Variants in NUDT2 observed in about 807,000 individuals in gnomAD.
NUDT2 encodes nudix hydrolase 2.
NUDT2 carries 12 observed loss-of-function variants against 14.2 expected under a neutral mutation model. The observed-to-expected ratio is 0.84, with a 90% CI of 0.54 to 1.37. NUDT2 has a LOEUF of 1.37. NUDT2 is among the 40% of genes most tolerant of loss of function. The pLI is 0.00. For synonymous variants in NUDT2, 67 were observed against 67.4 expected (o/e 0.99, Z 0.03); for missense variants, 167 against 176.7 (o/e 0.95, Z 0.31).
intron 1 of NUDT2, among the ~76,000 whole-genome samples, chr9:34,333,549 C>G (rs1200474727): frequency 6.8e-6 from 1 of 146,354 alleles, no homozygotes; most frequent in African/African-American, 2.5e-5. Context: ...AGGAAAATTC[C>G]TTGAGCCCAG....
intron 2 of NUDT2, among the ~76,000 whole-genome samples, chr9:34,338,393 A>G (rs1838151912): frequency 7.0e-6 from 1 of 141,852 alleles, no homozygotes; most frequent in African/African-American, 2.6e-5. Context: ...CTGTAGTCCC[A>G]GCTACTTGAG....
At chr9:34,332,523 A>C (rs983182798) in intron 1 of NUDT2, among the ~76,000 whole-genome samples, 1 of 152,218 alleles carries the variant, frequency 6.6e-6, no homozygotes, top group Non-Finnish European at 1.5e-5. Flanking sequence ...CACAACAGAC[A>C]AATTCCCCGA....
At chr9:34,329,869 T>C (rs1196908616) in intron 1 of NUDT2, among the ~76,000 whole-genome samples, 1 of 152,036 alleles carries the variant, frequency 6.6e-6, no homozygotes, top group African/African-American at 2.4e-5. Context: ...GTCGTCCAAA[T>C]CCCAGAGGCG....
intron 1 of NUDT2, among the ~76,000 whole-genome samples, chr9:34,335,598 T>C (rs1838071136): frequency 6.6e-6 from 1 of 152,230 alleles, no homozygotes; most frequent in Non-Finnish European, 1.5e-5. Context: ...GGAGGAATTC[T>C]AGAGAATAGC....
intron 4 of NUDT2, 120 bp from the exon 5 acceptor site, chr9:34,343,004 A>T: frequency 1.1e-6 from 1 of 886,046 alleles, no homozygotes; most frequent in South Asian, 1.7e-5. Context: ...GGCCTGGGCA[A>T]CAGAGTGAGT....
intron 2 of NUDT2, among the ~76,000 whole-genome samples, chr9:34,337,953 C>G (rs1838132926): frequency 6.6e-6 from 1 of 151,624 alleles, no homozygotes. Context: ...AAGCAATTCT[C>G]CTGCCTCAGC....
At chr9:34,333,858 T>A (rs1838018336) in intron 1 of NUDT2, among the ~76,000 whole-genome samples, 1 of 152,178 alleles carries the variant, frequency 6.6e-6, no homozygotes, top group African/African-American at 2.4e-5. Flanking sequence ...TATGCCCTTA[T>A]GCAAGTATTT....
intron 1 of NUDT2, among the ~76,000 whole-genome samples, chr9:34,330,220 G>A (rs915201389): frequency 1.3e-5 from 2 of 152,118 alleles, no homozygotes; most frequent in Admixed American, 6.5e-5. Flanking sequence ...TGGCTAACAC[G>A]GTGAAACCCC....
At chr9:34,334,316 A>C (rs1838030604) in intron 1 of NUDT2, among the ~76,000 whole-genome samples, 1 of 152,162 alleles carries the variant, frequency 6.6e-6, no homozygotes, top group Non-Finnish European at 1.5e-5. Context: ...TTTTTTGTTC[A>C]GGTTTTTTCT....
intron 3 of NUDT2, 64 bp downstream of exon 3, chr9:34,338,911 A>G: frequency 1.2e-6 from 1 of 849,224 alleles, no homozygotes; most frequent in Non-Finnish European, 1.8e-6. Flanking sequence ...TCTGTGGGCT[A>G]TGAGATCACA....
At chr9:34,330,523 C>A (rs986472228) in intron 1 of NUDT2, among the ~76,000 whole-genome samples, 4 of 152,076 alleles carry the variant, frequency 2.6e-5, no homozygotes, top group African/African-American at 9.7e-5. Flanking sequence ...ACATTTGAGT[C>A]ACTTACCCAG....
chr9:34,340,921 G>T (rs1294963095), intron 4 of NUDT2, among the ~76,000 whole-genome samples: 1 of 151,838 alleles, frequency 6.6e-6, no homozygotes, highest in Admixed American at 6.6e-5. Flanking sequence ...CAAGTGATCT[G>T]CCCACTTGGT....
intron 2 of NUDT2, among the ~76,000 whole-genome samples, chr9:34,337,570 G>T (rs1838122327): frequency 6.6e-6 from 1 of 152,176 alleles, no homozygotes; most frequent in African/African-American, 2.4e-5. Flanking sequence ...TTGGTTTTTG[G>T]TGAGAAACCG....
intron 1 of NUDT2, among the ~76,000 whole-genome samples, chr9:34,332,550 T>A (rs1408230744): frequency 1.3e-5 from 2 of 152,206 alleles, no homozygotes; most frequent in Non-Finnish European, 1.5e-5. Context: ...TTTCTAGAAT[T>A]GTACAGCAGA....
intron 4 of NUDT2, among the ~76,000 whole-genome samples, chr9:34,340,856 T>A (rs921396959): frequency 6.6e-6 from 1 of 152,156 alleles, no homozygotes; most frequent in Non-Finnish European, 1.5e-5. Context: ...TTATTACTAT[T>A]TTATAGAGAC....
At chr9:34,330,688 G>A (rs552563394) in intron 1 of NUDT2, among the ~76,000 whole-genome samples, 1 of 152,330 alleles carries the variant, frequency 6.6e-6, no homozygotes, top group African/African-American at 2.4e-5. Flanking sequence ...GCGGCCGGGC[G>A]CGGTGGCTCA....
intron 1 of NUDT2, among the ~76,000 whole-genome samples, chr9:34,334,886 G>T (rs1031369127): frequency 2.0e-5 from 3 of 152,150 alleles, no homozygotes; most frequent in Non-Finnish European, 4.4e-5. Flanking sequence ...AGAAAATTTC[G>T]TGAGAGATTT....
intron 1 of NUDT2, among the ~76,000 whole-genome samples, chr9:34,331,152 T>C (rs901642352): frequency 1.3e-5 from 2 of 152,202 alleles, no homozygotes; most frequent in African/African-American, 4.8e-5. Context: ...AGTTTCTATA[T>C]TAAAAGGAAT....
intron 4 of NUDT2, among the ~76,000 whole-genome samples, chr9:34,340,167 C>T (rs1453233570): frequency 2.0e-5 from 3 of 152,268 alleles, no homozygotes; most frequent in Middle Eastern, 3.4e-3. Flanking sequence ...AACTCCTGAC[C>T]TCAGGTGATC....
Sources: gnomAD v4.1 joint callset for allele counts (sites outside exome capture counted in the v4.1 genomes callset) on GRCh38, gnomAD v4.1.1 for gene constraint, MANE v1.5 for transcripts, NCBI Gene and HGNC (gene_info 2026-07-23, HGNC 2026-07-21) for gene names.